ST3GAL5: variants seen among roughly 807,000 people sequenced by gnomAD.
ST3GAL5 encodes ST3 beta-galactoside alpha-2,3-sialyltransferase 5.
ST3GAL5 carries 25 observed loss-of-function variants against 46.1 expected under a neutral mutation model. The observed-to-expected ratio is 0.54, with a 90% confidence interval of 0.40 to 0.76. The LOEUF (loss-of-function observed/expected upper bound fraction) is 0.76. ST3GAL5 is among the 30% of genes least tolerant of loss of function. ST3GAL5 has a pLI of 0.00. For missense variants in ST3GAL5, 431 were observed against 521.2 expected (o/e 0.83, Z 1.69); for synonymous variants, 182 against 192.7 (o/e 0.94, Z 0.46).
In ST3GAL5 at chr2:85,840,132, G is replaced by C; in HGVS notation, c.*12C>G. ...GAGTTAGAGTTGCATTTTCAACTGA[G>C]GTTTTCTGTGTTCAAAATTCACGAT... On this transcript the variant is annotated 3_prime_UTR_variant, in exon 7 of 7. Transcript: ENST00000638572. 6.2e-7 allele frequency: 1 copy of C among 1,614,146 alleles called. No homozygotes were observed.
Position 85,861,220 on chromosome 2 carries a change from G to C in ST3GAL5, c.279C>G (p.Asp93Glu). 6.2e-7 allele frequency: 1 copy of C among 1,613,194 alleles called. No individual in the cohort carries two copies. Among genetic ancestry groups the C allele is most frequent in the Non-Finnish European group, 8.5e-7 (1 of 1,179,456 alleles). Residue 93 changes from aspartate (D) to glutamate (E), a missense_variant, in exon 3 of 7, where the codon GAC (aspartate) becomes GAG (glutamate). Coordinates refer to ENST00000638572, the MANE Select transcript of ST3GAL5 (RefSeq NM_003896.4). ...LKLNYTTEEC[D>E]MKKMHYVDPD... ...GGTCCACATAATGCATTTTTTTCAT[G>C]TCACATTCTTCAGTAGTATAATTTA...
At chr2:85,873,843 C>T (rs1212741108) in intron 1 of ST3GAL5, among the ~76,000 whole-genome samples, 1 of 152,342 alleles carries the variant, frequency 6.6e-6, no homozygotes, top group South Asian at 2.1e-4. Flanking sequence ...GATTCCCACA[C>T]TTCATCCCCA....
intron 1 of ST3GAL5, among the ~76,000 whole-genome samples, chr2:85,874,263 A>G (rs1305052283): frequency 6.6e-6 from 1 of 152,348 alleles, no homozygotes; most frequent in Non-Finnish European, 1.5e-5. Context: ...TAAAAGTGTT[A>G]AGGCAATTAA....
intron 3 of ST3GAL5, among the ~76,000 whole-genome samples, chr2:85,858,578 G>A (rs1371219283): frequency 3.3e-5 from 5 of 152,144 alleles, no homozygotes; most frequent in Admixed American, 3.3e-4. Flanking sequence ...CAAGGTGCTG[G>A]GATTACAGGT....
At chr2:85,848,294 G>A in intron 3 of ST3GAL5, 90 bp from the exon 4 acceptor site, 1 of 1,611,826 alleles carries the variant, frequency 6.2e-7, no homozygotes, top group Non-Finnish European at 8.5e-7. Context: ...TATGATGTCT[G>A]ATGTAGCTCC....
At chr2:85,874,829 T>C (rs1024424800) in intron 1 of ST3GAL5, among the ~76,000 whole-genome samples, 3 of 151,152 alleles carry the variant, frequency 2.0e-5, no homozygotes, top group African/African-American at 7.3e-5. Flanking sequence ...TTAACCCAAA[T>C]TCACCACGGT....
chr2:85,879,247 G>A (rs1226973660), intron 1 of ST3GAL5, among the ~76,000 whole-genome samples: 27 of 152,112 alleles, frequency 1.8e-4, no homozygotes, highest in Admixed American at 1.3e-3. Flanking sequence ...ATGTGGAGGA[G>A]GAAGGTGCCA....
At chr2:85,889,029 C>G (rs1688102993), upstream of ST3GAL5, 3 of 686,718 alleles carry the variant, frequency 4.4e-6, no homozygotes, top group African/African-American at 1.9e-5. Flanking sequence ...GGAGGAGGGG[C>G]GCGTGGGCGG....
chr2:85,863,846 T>C (rs1390815486), intron 1 of ST3GAL5, among the ~76,000 whole-genome samples: 1 of 152,124 alleles, frequency 6.6e-6, no homozygotes, highest in East Asian at 1.9e-4. Context: ...TGGCTGGGAT[T>C]ACAGGCGCAT....
At chr2:85,843,846 T>G (rs926640208) in intron 6 of ST3GAL5, among the ~76,000 whole-genome samples, 1 of 152,176 alleles carries the variant, frequency 6.6e-6, no homozygotes, top group Non-Finnish European at 1.5e-5. Flanking sequence ...GTCCACGGAA[T>G]TTAGAAAATC....
At position 85,861,279 on chromosome 2, in the gene ST3GAL5, C is replaced by T. The variant is rs749533158; in HGVS notation, c.220G>A (p.Val74Met). The T allele has an allele frequency of 9.3e-6, 15 of 1,608,202 alleles. No homozygotes were observed. In the East Asian group the frequency reaches 3.3e-4, roughly 36 times the overall value. The change falls in exon 3 of 7, where the codon GTG becomes ATG. Residue 74 changes from valine (V) to methionine (M), a missense_variant. By Grantham distance (21) the Val-to-Met change is conservative. Transcript: ENST00000638572. ...ATATAAAGGATCCACACTCCAAACA[C>T]AAGCAATGTACATCTGGAAAAAAAT... ...LKDILKCTLLVFGVWILYILK... is the reference protein window; with the variant it reads ...LKDILKCTLLMFGVWILYILK...
At chr2:85,863,957 C>T (rs544491287) in intron 1 of ST3GAL5, among the ~76,000 whole-genome samples, 12 of 152,130 alleles carry the variant, frequency 7.9e-5, no homozygotes, top group East Asian at 1.9e-4. Flanking sequence ...TCACCTGCCT[C>T]GGCCTCCCAA....
intron 5 of ST3GAL5, 82 bp from the exon 6 acceptor site, chr2:85,844,636 G>A: frequency 1.3e-6 from 2 of 1,587,248 alleles, no homozygotes; most frequent in Non-Finnish European, 1.7e-6. Flanking sequence ...CCAAGGCTGT[G>A]GGTGTGACCC....
In ST3GAL5 at chr2:85,847,868, C is replaced by G; in HGVS notation, c.655G>C (p.Val219Leu). ...CAAAAAAAACCAATGTACCTTATCA[C>G]AACATCGAACTGGTTCAGGGTGTGG... Reference protein sequence around the residue: ...LGHTLNQFDVVIRLNSAPVEG... With the variant: ...LGHTLNQFDVLIRLNSAPVEG... The change falls in exon 4 of 7, where the codon GTG becomes CTG. Residue 219 changes from valine (V) to leucine (L), a missense_variant. By Grantham distance (32) the Val-to-Leu change is conservative. Transcript: ENST00000638572. The G allele has an allele frequency of 1.2e-6, 2 of 1,613,824 alleles. No homozygotes were observed. Among genetic ancestry groups the G allele is most frequent in the Non-Finnish European group, 1.7e-6 (2 of 1,179,970 alleles).
rs142806010 is a variant in ST3GAL5, at chr2:85,851,640, C to A, written c.319-3436G>T. The A allele has an allele frequency of 2.2e-5, 28 of 1,289,482 alleles. No homozygotes were observed. In the African/African-American group the frequency reaches 3.8e-4, roughly 17 times the overall value. 79.9% of individuals were successfully genotyped at this position (1,289,482 alleles called of 1,614,324 possible). A position where few individuals can be genotyped will look rare whatever the true frequency, so the allele number is the denominator to read the frequency against. On this transcript the variant is annotated intron_variant, in intron 3 of 6. Transcript: ENST00000638572. Reference sequence around the variant, plus strand: ...CTTCAGCTGCTCTCTTCCCCCTCCACTGCTTGCCCATAGCTCACAGCTCAG... The same window carrying A: ...CTTCAGCTGCTCTCTTCCCCCTCCAATGCTTGCCCATAGCTCACAGCTCAG...
rs1180660443 is a variant in ST3GAL5 at position 85,838,993 on chromosome 2, G to C, written c.*1151C>G. On this transcript the variant is annotated 3_prime_UTR_variant, in exon 7 of 7. Transcript: ENST00000638572. ...CATCTCTTCAGAAGGGTTCACAGTT[G>C]TCTGGACTCAAGCAGCTTGCAGGAC... 1 of 152,316 alleles carries C rather than the reference G, an allele frequency of 6.6e-6. No individual in the cohort carries two copies. The highest frequency in any genetic ancestry group is 2.4e-5 in the African/African-American group (1 of 41,452). The allele number at this position is 152,316 out of a possible 1,614,324, so 9.4% of individuals were successfully genotyped here. A position where few individuals can be genotyped will look rare whatever the true frequency, so the allele number is the denominator to read the frequency against.
intron 1 of ST3GAL5, among the ~76,000 whole-genome samples, chr2:85,873,204 G>C (rs531804081): frequency 6.6e-6 from 1 of 152,216 alleles, no homozygotes; most frequent in South Asian, 2.1e-4. Flanking sequence ...TTAAAGGCTG[G>C]CCCCCTCGCC....
chr2:85,877,729 G>A (rs1686739172), intron 1 of ST3GAL5, among the ~76,000 whole-genome samples: 1 of 152,136 alleles, frequency 6.6e-6, no homozygotes, highest in Admixed American at 6.6e-5. Context: ...ATTCTTGCAG[G>A]AGAAGGATAT....
At chr2:85,854,869 G>C (rs983066384) in intron 3 of ST3GAL5, 1 of 152,202 alleles carries the variant, frequency 6.6e-6, no homozygotes, top group African/African-American at 2.4e-5. Context: ...CACACACACA[G>C]AGGGACGATC....
Sources: allele counts gnomAD v4.1 joint callset (sites outside exome capture counted in the v4.1 genomes callset), GRCh38; gene constraint gnomAD v4.1.1; transcripts MANE v1.5; gene names NCBI Gene and HGNC (gene_info 2026-07-23, HGNC 2026-07-21).